The following CNTN6 variants were observed in gnomAD, a reference collection of about 807,000 sequenced individuals.
CNTN6 encodes contactin 6.
In CNTN6, 137 loss-of-function variants were observed where a neutral mutation model predicts 122.8. The observed-to-expected ratio is 1.12, with a 90% confidence interval of 0.97 to 1.29. The LOEUF (loss-of-function observed/expected upper bound fraction) is 1.29. CNTN6 is among the 50% of genes most tolerant of loss of function. The probability of loss-of-function intolerance (pLI) is 0.00; values close to 1 mark genes in which losing one functional copy is unlikely to be tolerated. For missense variants in CNTN6, 1,634 were observed against 1,223.4 expected, an observed-to-expected ratio of 1.34 and a Z score of -5.01; for synonymous variants, 570 against 426.0, an observed-to-expected ratio of 1.34 and a Z score of -4.16.
chr3:1,362,277 A>G (rs1707578199), intron 12 of CNTN6, among the ~76,000 whole-genome samples: 1 of 152,286 alleles, frequency 6.6e-6, no homozygotes, highest in African/African-American at 2.4e-5. Context: ...CATTCAATAA[A>G]ACGTTACTAG....
chr3:1,100,874 A>G (rs1029632600), intron 1 of CNTN6, among the ~76,000 whole-genome samples: 1 of 152,108 alleles, frequency 6.6e-6, no homozygotes, highest in Non-Finnish European at 1.5e-5. Flanking sequence ...TTGTTTTACT[A>G]TTTTAATTTT....
chr3:1,383,333 T>C lies in CNTN6; in HGVS notation c.2442T>C (p.Phe814=). The part of the protein sequence containing the change: ...LAPRGTSLQS[F]SASEMEVSWN... ...CAAGGGGAACTTCTCTCCAGAGTTT[T>C]TCTGCTTCTGAAATGGAGGTTTCAT... The change falls in exon 19 of 23, where the codon TTT becomes TTC. Residue 814 remains phenylalanine, a synonymous_variant. Transcript: ENST00000446702. The C allele has an allele frequency of 6.2e-7, 1 of 1,614,102 alleles. No individual in the cohort carries two copies. The highest frequency in any genetic ancestry group is 8.5e-7 in the Non-Finnish European group (1 of 1,179,922).
intron 5 of CNTN6, among the ~76,000 whole-genome samples, chr3:1,287,417 C>T (rs1324805152): frequency 6.6e-6 from 1 of 152,076 alleles, no homozygotes; most frequent in African/African-American, 2.4e-5. Flanking sequence ...CTGGTACAGC[C>T]CATCTCTTAC....
At chr3:1,254,240 T>G (rs1403718216) in intron 4 of CNTN6, among the ~76,000 whole-genome samples, 1 of 152,102 alleles carries the variant, frequency 6.6e-6, no homozygotes, top group Non-Finnish European at 1.5e-5. Context: ...TGGTGATAAT[T>G]TTTTGAAGTA....
At chr3:1,267,300 T>A (rs990492109) in intron 4 of CNTN6, among the ~76,000 whole-genome samples, 21 of 152,108 alleles carry the variant, frequency 1.4e-4, no homozygotes, top group Admixed American at 1.1e-3. Context: ...TGAAAATGAA[T>A]CAGAGCTGGG....
At chr3:1,311,329 T>C (rs1699223554) in intron 7 of CNTN6, among the ~76,000 whole-genome samples, 1 of 141,888 alleles carries the variant, frequency 7.0e-6, no homozygotes, top group Non-Finnish European at 1.5e-5. Flanking sequence ...TATATATACA[T>C]ATATGTACAT....
At chr3:1,254,852 A>T (rs2094726952) in intron 4 of CNTN6, among the ~76,000 whole-genome samples, 1 of 152,158 alleles carries the variant, frequency 6.6e-6, no homozygotes, top group Admixed American at 6.5e-5. Flanking sequence ...AAAGCATGAA[A>T]AAAACCCATG....
chr3:1,204,651 C>G (rs1217704437), intron 2 of CNTN6, among the ~76,000 whole-genome samples: 4 of 152,080 alleles, frequency 2.6e-5, no homozygotes, highest in Non-Finnish European at 5.9e-5. Flanking sequence ...TCAAGCTTGG[C>G]CTTTATGTCT....
chr3:1,131,012 T>C (rs1388752954), intron 1 of CNTN6, among the ~76,000 whole-genome samples: 1 of 152,126 alleles, frequency 6.6e-6, no homozygotes, highest in African/African-American at 2.4e-5. Context: ...AACTGAGAAC[T>C]CTTTCTCACA....
intron 1 of CNTN6, among the ~76,000 whole-genome samples, chr3:1,139,290 T>C (rs1574987862): frequency 6.6e-6 from 1 of 152,262 alleles, no homozygotes; most frequent in East Asian, 1.9e-4. Flanking sequence ...CTGCATTCTG[T>C]TATTGAATTC....
chr3:1,389,997 T>A lies in CNTN6; in HGVS notation c.2704+4200T>A, dbSNP rs1576046108. Among the ~76,000 whole-genome samples, 3 of 151,516 alleles carry A rather than the reference T, an allele frequency of 2.0e-5. No individual in the cohort carries two copies. In the South Asian group the frequency reaches 6.3e-4, roughly 32 times the overall value. ...CAACCCACTGTCAACATTAGACAGATCAATGAGACAGAAAGTCAACAAGGA... is the reference window on the plus strand; with the variant it reads ...CAACCCACTGTCAACATTAGACAGAACAATGAGACAGAAAGTCAACAAGGA... On this transcript the variant is annotated intron_variant, in intron 20 of 22. Transcript: ENST00000446702.
intron 2 of CNTN6, among the ~76,000 whole-genome samples, chr3:1,197,069 C>T (rs143443827): frequency 3.6e-4 from 55 of 152,310 alleles, no homozygotes; most frequent in African/African-American, 1.2e-3. Context: ...AGCATTATCT[C>T]TGAGACAAGA....
chr3:1,146,643 C>G (rs932821449), intron 1 of CNTN6, among the ~76,000 whole-genome samples: 1 of 152,038 alleles, frequency 6.6e-6, no homozygotes, highest in African/African-American at 2.4e-5. Flanking sequence ...AAATGTCTCA[C>G]AAGAGAACAG....
chr3:1,243,850 G>A (rs138086463), intron 4 of CNTN6, among the ~76,000 whole-genome samples: 1 of 152,032 alleles, frequency 6.6e-6, no homozygotes, highest in African/African-American at 2.4e-5. Context: ...GGACGGGAAA[G>A]GTCAGATGGG....
intron 7 of CNTN6, among the ~76,000 whole-genome samples, chr3:1,312,061 AC>A (rs1454453432): frequency 2.0e-5 from 3 of 152,076 alleles, no homozygotes; most frequent in Non-Finnish European, 4.4e-5. Flanking sequence ...TAAATGGAAC[AC>A]TATGTAAAAT....
chr3:1,221,457 G>A (rs1309662546), intron 3 of CNTN6, among the ~76,000 whole-genome samples: 2 of 152,118 alleles, frequency 1.3e-5, no homozygotes, highest in Admixed American at 6.6e-5. Flanking sequence ...GACTTCACTG[G>A]TGGGTCACAT....
chr3:1,302,329 G>T (rs922720562), intron 7 of CNTN6, among the ~76,000 whole-genome samples: 2 of 151,988 alleles, frequency 1.3e-5, no homozygotes, highest in African/African-American at 4.8e-5. Flanking sequence ...TTACTCTTTT[G>T]TAAGATGTTG....
chr3:1,277,883 T>C (rs1462696196), intron 4 of CNTN6, among the ~76,000 whole-genome samples: 1 of 152,170 alleles, frequency 6.6e-6, no homozygotes, highest in Non-Finnish European at 1.5e-5. Context: ...ACATTCCAAA[T>C]AAGATCATGA....
Position 1,352,356 on chromosome 3 carries a change from T to C in CNTN6, c.1397T>C (p.Ile466Thr), listed in dbSNP as rs1326855127. ...CTCTTGGAGGATGGCAGCCTCAAGA[T>C]ATATAATATTACCAGGTCAGATGCT... is the stretch of plus-strand genomic sequence containing the variant. The part of the protein sequence containing the change: ...IFLLEDGSLK[I>T]YNITRSDAGS... The change falls in exon 12 of 23, where the codon ATA (isoleucine) becomes ACA (threonine). Residue 466 changes from isoleucine (I) to threonine (T), a missense_variant. Coordinates refer to ENST00000446702, the MANE Select transcript of CNTN6 (RefSeq NM_001289080.2). 2 of 1,566,520 alleles carry C rather than the reference T, an allele frequency of 1.3e-6. No individual in the cohort carries two copies. The highest frequency in any genetic ancestry group is 1.7e-6 in the Non-Finnish European group (2 of 1,151,340).
Sources: allele counts gnomAD v4.1 joint callset (sites outside exome capture counted in the v4.1 genomes callset), GRCh38; gene constraint gnomAD v4.1.1; transcripts MANE v1.5; gene names NCBI Gene and HGNC (gene_info 2026-07-23, HGNC 2026-07-21).